Variants in NSMCE2 observed in about 807,000 individuals in gnomAD.
NSMCE2 encodes E3 SUMO-protein ligase NSE2.
In NSMCE2, 24 loss-of-function variants were observed where a neutral mutation model predicts 23.8. That is an observed-to-expected ratio of 1.01 (90% confidence interval 0.73 to 1.42). The LOEUF (loss-of-function observed/expected upper bound fraction) is 1.42, where lower values mean the gene tolerates loss of function less well. Among genes scored for constraint, NSMCE2 ranks in the 40% most tolerant of loss-of-function variants. The pLI, the probability that NSMCE2 is intolerant of heterozygous loss-of-function variation, is 0.00. For missense variants in NSMCE2, 284 were observed against 296.5 expected, an observed-to-expected ratio of 0.96 and a Z score of 0.31; for synonymous variants, 92 against 94.1, an observed-to-expected ratio of 0.98 and a Z score of 0.13.
chr8:125,197,424 A>G (rs1300433437), intron 5 of NSMCE2, among the ~76,000 whole-genome samples: 1 of 152,224 alleles, frequency 6.6e-6, no homozygotes, highest in Non-Finnish European at 1.5e-5. Flanking sequence ...ATGACTAGCC[A>G]GTTTTCCCAG....
chr8:125,189,911 C>A (rs983973567), intron 5 of NSMCE2, among the ~76,000 whole-genome samples: 1 of 152,190 alleles, frequency 6.6e-6, no homozygotes, highest in African/African-American at 2.4e-5. Flanking sequence ...CTGCTTAGAA[C>A]ATTCAAACAA....
chr8:125,188,268 A>G (rs548800043), intron 5 of NSMCE2, among the ~76,000 whole-genome samples: 1 of 152,290 alleles, frequency 6.6e-6, no homozygotes, highest in East Asian at 1.9e-4. Context: ...TCAAAACCAC[A>G]GTGTAGTTGC....
chr8:125,159,747 G>A (rs1821506667), intron 4 of NSMCE2, among the ~76,000 whole-genome samples: 2 of 152,114 alleles, frequency 1.3e-5, no homozygotes. Context: ...ATCACTTGCG[G>A]TCAGGAGTTC....
In NSMCE2 at chr8:125,357,303, C is replaced by A; in HGVS notation, c.503C>A (p.Thr168Asn). The change falls in exon 6 of 8, where the codon ACC becomes AAC. Residue 168 changes from threonine to asparagine, a missense_variant. Physicochemically the swap from Thr to Asn is moderately conservative, Grantham distance 65. This residue lies in a region of NSMCE2 where 102 missense variants were observed against 141.0 expected (regional missense o/e 0.72). Coordinates refer to ENST00000287437, the MANE Select transcript of NSMCE2 (RefSeq NM_173685.4). ...IIVTQSQTNFTCPITKEEMKK... is the reference protein window; with the variant it reads ...IIVTQSQTNFNCPITKEEMKK... ...GTGACCCAAAGTCAGACCAACTTCA[C>A]CTGCCCCATTACAAAGGTACCGCTT... 1 of 1,605,386 alleles carries A rather than the reference C, an allele frequency of 6.2e-7. No homozygotes were observed. The highest frequency in any genetic ancestry group is 1.3e-5 in the African/African-American group (1 of 74,880).
intron 5 of NSMCE2, among the ~76,000 whole-genome samples, chr8:125,210,393 AAGAG>A (rs1186933732): frequency 6.6e-6 from 1 of 152,188 alleles, no homozygotes; most frequent in African/African-American, 2.4e-5. Context: ...ATTTTCCTGA[AAGAG>A]AGAGCTCATT....
At chr8:125,226,769 T>C (rs936118368) in intron 5 of NSMCE2, among the ~76,000 whole-genome samples, 3 of 151,864 alleles carry the variant, frequency 2.0e-5, no homozygotes, top group Non-Finnish European at 4.4e-5. Flanking sequence ...AAAGAGTAAA[T>C]TGGGCAGGGA....
intron 5 of NSMCE2, among the ~76,000 whole-genome samples, chr8:125,344,193 T>C (rs1830351752): frequency 6.6e-6 from 1 of 152,224 alleles, no homozygotes; most frequent in Non-Finnish European, 1.5e-5. Flanking sequence ...CATCATTTGT[T>C]TCAATTTGAC....
At chr8:125,249,804 G>A (rs1049736828) in intron 5 of NSMCE2, among the ~76,000 whole-genome samples, 1 of 152,070 alleles carries the variant, frequency 6.6e-6, no homozygotes, top group African/African-American at 2.4e-5. Context: ...TTTAGGTTTG[G>A]GATGATGGTG....
chr8:125,266,729 G>A (rs1826932511), intron 5 of NSMCE2, among the ~76,000 whole-genome samples: 2 of 152,164 alleles, frequency 1.3e-5, no homozygotes. Flanking sequence ...AAAGTACTAG[G>A]AGTTTGGGAT....
chr8:125,105,513 G>A (rs867656888), intron 3 of NSMCE2, among the ~76,000 whole-genome samples: 10 of 150,444 alleles, frequency 6.6e-5, no homozygotes, highest in South Asian at 2.1e-4. Flanking sequence ...GGTATATTTT[G>A]TTGTAAAATA....
chr8:125,113,904 G>A (rs1351786157), intron 3 of NSMCE2, among the ~76,000 whole-genome samples: 3 of 152,200 alleles, frequency 2.0e-5, no homozygotes, highest in African/African-American at 7.2e-5. Context: ...GTAGAGGGTA[G>A]AGGAGTAGTG....
In NSMCE2 at chr8:125,317,716, C is replaced by T. The variant is rs144514656; in HGVS notation, c.419-39503C>T. Among the ~76,000 whole-genome samples, 95 of 152,218 alleles carry T rather than the reference C, an allele frequency of 6.2e-4. 1 individual carries two copies. In the East Asian group the frequency reaches 0.014, roughly 23 times the overall value. On this transcript the variant is annotated intron_variant, in intron 5 of 7. Transcript: ENST00000287437. ...GGGGAGAAAAGAAACTAGGGTATTT[C>T]ACTTGTTAATTATGCATTTGAGATA...
chr8:125,119,543 T>G (rs1443963592), intron 3 of NSMCE2, among the ~76,000 whole-genome samples: 1 of 152,208 alleles, frequency 6.6e-6, no homozygotes, highest in East Asian at 1.9e-4. Flanking sequence ...AAAAATGGAA[T>G]TGGAGTCACT....
chr8:125,106,041 T>C (rs1322960593), intron 3 of NSMCE2, among the ~76,000 whole-genome samples: 1 of 117,472 alleles, frequency 8.5e-6, no homozygotes, highest in Non-Finnish European at 1.6e-5. Flanking sequence ...TGCGTGTGTG[T>C]GTGCATACAC....
intron 5 of NSMCE2, among the ~76,000 whole-genome samples, chr8:125,312,075 T>TAAAAA (rs56906621): frequency 1.0e-5 from 1 of 99,404 alleles, no homozygotes. Context: ...CCATCTCAAT[T>TAAAAA]AAAAAAAAAA....
At chr8:125,323,978 G>GA (rs1171646607) in intron 5 of NSMCE2, among the ~76,000 whole-genome samples, 7 of 151,820 alleles carry the variant, frequency 4.6e-5, no homozygotes, top group Admixed American at 4.6e-4. Context: ...CCCAAAAATG[G>GA]AAAAAAGATT....
chr8:125,161,748 C>T (rs973906671), intron 4 of NSMCE2, among the ~76,000 whole-genome samples: 5 of 149,452 alleles, frequency 3.3e-5, no homozygotes, highest in Non-Finnish European at 7.4e-5. Context: ...GCCAAGATTG[C>T]ACCACTGCAC....
Position 125,280,805 on chromosome 8 carries a change from T to C in NSMCE2, c.419-76414T>C, listed in dbSNP as rs188817750. On this transcript the variant is annotated intron_variant, in intron 5 of 7. Transcript: ENST00000287437. Reference sequence around the variant, plus strand: ...TCACTGACTAATGGAGGAAATATTTTTATCACATAAGATTCAAAGTTTGGT... The same window carrying C: ...TCACTGACTAATGGAGGAAATATTTCTATCACATAAGATTCAAAGTTTGGT... 3.2e-4 allele frequency among the ~76,000 whole-genome samples: 49 copies of C among 152,368 alleles called. No homozygotes were observed. In the South Asian group the frequency reaches 6.6e-3, roughly 21 times the overall value.
At chr8:125,366,690 C>CTTAA in intron 7 of NSMCE2, 78 bp from the exon 8 acceptor site, 1 of 817,980 alleles carries the variant, frequency 1.2e-6, no homozygotes, top group Non-Finnish European at 2.1e-6. Context: ...AAATGCCTTA[C>CTTAA]TTAAACACTT....
Sources: gnomAD v4.1 joint callset for allele counts (sites outside exome capture counted in the v4.1 genomes callset) on GRCh38, gnomAD v4.1.1 for gene constraint, gnomAD v4.1.1 regional missense constraint, MANE v1.5 for transcripts, NCBI Gene and HGNC (gene_info 2026-07-23, HGNC 2026-07-21) for gene names.